Variants in SEC24A observed in about 807,000 individuals in gnomAD.
SEC24A encodes protein transport protein Sec24A.
In SEC24A, 93 loss-of-function variants were observed where a neutral mutation model predicts 129.4. The ratio of observed to expected loss-of-function variants is 0.72; its 90% CI spans 0.61 to 0.85. The LOEUF is 0.85. Among genes scored for constraint, SEC24A ranks in the 40% least tolerant of loss-of-function variants. SEC24A has a pLI of 0.00. For missense variants in SEC24A, 1,264 were observed against 1,307.4 expected (o/e 0.97, Z 0.51); for synonymous variants, 460 against 467.3 (o/e 0.98, Z 0.20).
intron 18 of SEC24A, 135 bp from the exon 19 acceptor site, chr5:134,714,889 A>C: frequency 1.1e-6 from 1 of 880,092 alleles, no homozygotes; most frequent in Non-Finnish European, 1.7e-6. Context: ...TTCTTAAAAA[A>C]GATACTTTAA....
chr5:134,655,080 A>G (rs969580449), intron 1 of SEC24A, among the ~76,000 whole-genome samples: 1 of 152,040 alleles, frequency 6.6e-6, no homozygotes, highest in African/African-American at 2.4e-5. Flanking sequence ...ACCTCAGGTG[A>G]TCTGCCCGCC....
In SEC24A at chr5:134,703,871, G is replaced by A. The variant is rs1752076147; in HGVS notation, c.2379G>A (p.Glu793=). The A allele has an allele frequency of 6.2e-7, 1 of 1,609,982 alleles. No homozygotes were observed. Among genetic ancestry groups the A allele is most frequent in the Non-Finnish European group, 8.5e-7 (1 of 1,176,498 alleles). ...AGYAVQMSVE[E]SLTDTQLVSF... ...ATGCAGTACAGATGTCAGTGGAAGA[G>A]AGTCTTACTGACACTCAGTTGGTTT... Residue 793 remains glutamate, a synonymous_variant, in exon 16 of 23, where the codon GAG becomes GAA. Coordinates refer to ENST00000398844, the MANE Select transcript of SEC24A (RefSeq NM_021982.3).
At chr5:134,672,336 C>T (rs1750894730) in intron 4 of SEC24A, among the ~76,000 whole-genome samples, 1 of 152,128 alleles carries the variant, frequency 6.6e-6, no homozygotes, top group Non-Finnish European at 1.5e-5. Context: ...TAGAGGCACC[C>T]GCCACCACAC....
intron 1 of SEC24A, among the ~76,000 whole-genome samples, chr5:134,657,891 T>G (rs1750301651): frequency 6.6e-6 from 1 of 152,214 alleles, no homozygotes; most frequent in Non-Finnish European, 1.5e-5. Context: ...TTATTTTTAT[T>G]AAATGTGTAT....
At chr5:134,688,738 G>C (rs1751535309) in intron 11 of SEC24A, among the ~76,000 whole-genome samples, 1 of 151,590 alleles carries the variant, frequency 6.6e-6, no homozygotes, top group Admixed American at 6.6e-5. Context: ...GTAGTGCAGT[G>C]GCACGATCTT....
Position 134,661,114 on chromosome 5 carries a change from G to C in SEC24A, c.98-5G>C. 6.4e-7 allele frequency: 1 copy of C among 1,563,732 alleles called. No homozygotes were observed. The highest frequency in any genetic ancestry group is 1.2e-5 in the South Asian group (1 of 83,364). ...AAGACTAATTTTTCCTCCTTTTATT[G>C]GAAGGTCCTGTCCAAAATGCATTGC... On this transcript the variant is annotated splice_polypyrimidine_tract_variant and splice_region_variant and intron_variant, in intron 1 of 22. Transcript: ENST00000398844.
chr5:134,722,105 G>A (rs1303532565), intron 21 of SEC24A, among the ~76,000 whole-genome samples: 3 of 152,180 alleles, frequency 2.0e-5, no homozygotes, highest in African/African-American at 7.2e-5. Flanking sequence ...CTATGCCCAA[G>A]GGGTACCTGC....
chr5:134,657,214 A>ACACACACACACACACAC (rs1561800539), intron 1 of SEC24A, among the ~76,000 whole-genome samples: 4 of 150,634 alleles, frequency 2.7e-5, no homozygotes, highest in African/African-American at 7.3e-5. Flanking sequence ...ACACACACAC[A>ACACACACACACACACAC]ACCAAAACTT....
chr5:134,654,287 T>G (rs943003038), intron 1 of SEC24A, among the ~76,000 whole-genome samples: 43 of 151,876 alleles, frequency 2.8e-4, no homozygotes, highest in African/African-American at 9.9e-4. Context: ...GTGGTGCAGA[T>G]CTTGGCTCAC....
chr5:134,648,652 G>A (rs1749936549), upstream of SEC24A: 1 of 154,318 alleles, frequency 6.5e-6, no homozygotes. Flanking sequence ...CGGGGCACCA[G>A]GAGCTGTCAG....
At chr5:134,679,482 C>CGA (rs1316289962) in intron 7 of SEC24A, 120 bp from the exon 8 acceptor site, 1 of 595,740 alleles carries the variant, frequency 1.7e-6, no homozygotes, top group African/African-American at 1.9e-5. Context: ...ATCTTGTACT[C>CGA]TAAGTTTTCT....
intron 6 of SEC24A, among the ~76,000 whole-genome samples, chr5:134,675,778 G>A (rs1163299037): frequency 2.6e-5 from 4 of 152,086 alleles, no homozygotes; most frequent in African/African-American, 7.2e-5. Context: ...TCATTTGATA[G>A]TTTAGACTGT....
chr5:134,721,788 C>A (rs1207373602), intron 21 of SEC24A, among the ~76,000 whole-genome samples: 1 of 152,046 alleles, frequency 6.6e-6, no homozygotes, highest in Non-Finnish European at 1.5e-5. Flanking sequence ...GGGAGGAGTG[C>A]TAGGACCTGG....
chr5:134,687,931 A>G (rs1380611583), intron 10 of SEC24A, among the ~76,000 whole-genome samples: 1 of 152,162 alleles, frequency 6.6e-6, no homozygotes, highest in African/African-American at 2.4e-5. Flanking sequence ...GTAGCTTTAC[A>G]TAGCTATACT....
At chr5:134,679,783 T>G in intron 8 of SEC24A, 55 bp downstream of exon 8, 11 of 1,402,882 alleles carry the variant, frequency 7.8e-6, no homozygotes, top group Non-Finnish European at 9.6e-6. Context: ...TGTAGGGAAA[T>G]CAGATGATAC....
chr5:134,715,489 G>A (rs930647251), intron 19 of SEC24A: 12 of 210,050 alleles, frequency 5.7e-5, no homozygotes, highest in East Asian at 4.6e-4. Context: ...ATTTTTGCTC[G>A]CTTCAGCAGC....
At chr5:134,719,915 G>T (rs981627786) in intron 20 of SEC24A, among the ~76,000 whole-genome samples, 3 of 152,238 alleles carry the variant, frequency 2.0e-5, no homozygotes, top group South Asian at 2.1e-4. Context: ...AACCTGGGAG[G>T]TGGAGGTTGT....
intron 2 of SEC24A, 122 bp from the exon 3 acceptor site, chr5:134,666,701 G>A: frequency 1.4e-6 from 1 of 727,318 alleles, no homozygotes. Flanking sequence ...CATGTTTCTG[G>A]TAACTCTTTG....
intron 15 of SEC24A, among the ~76,000 whole-genome samples, chr5:134,698,813 A>G (rs1751913601): frequency 6.6e-6 from 1 of 151,592 alleles, no homozygotes. Context: ...TTGTATTTTT[A>G]GTAGAGACAG....
Sources: allele counts gnomAD v4.1 joint callset (sites outside exome capture counted in the v4.1 genomes callset), GRCh38; gene constraint gnomAD v4.1.1; transcripts MANE v1.5; gene names NCBI Gene and HGNC (gene_info 2026-07-23, HGNC 2026-07-21).